The following PDE4D variants were observed in gnomAD, a reference collection of about 807,000 sequenced individuals.
PDE4D encodes the protein phosphodiesterase 4D, also known as 3',5'-cyclic-AMP phosphodiesterase 4D.
A neutral mutation model predicts 87.4 loss-of-function variants in PDE4D; 24 were observed. That is an observed-to-expected ratio of 0.27 (90% CI 0.20 to 0.39). The LOEUF is 0.39. PDE4D is among the 10% of genes least tolerant of loss of function. The probability of loss-of-function intolerance (pLI) is 1.00; values close to 1 mark genes in which losing one functional copy is unlikely to be tolerated. For synonymous variants in PDE4D, 384 were observed against 383.2 expected, an observed-to-expected ratio of 1.00 and a Z score of -0.02; for missense variants, 714 against 1,041.0, an observed-to-expected ratio of 0.69 and a Z score of 4.32.
At chr5:60,318,148 C>A (rs1219630888) in intron 1 of PDE4D, among the ~76,000 whole-genome samples, 2 of 152,134 alleles carry the variant, frequency 1.3e-5, no homozygotes, top group Non-Finnish European at 2.9e-5. Flanking sequence ...TAAGGACTTG[C>A]TTTATGAATC....
chr5:59,537,449 T>C lies in PDE4D; in HGVS notation c.456-321481A>G, dbSNP rs956093522. Among the ~76,000 whole-genome samples the C allele has an allele frequency of 4.6e-5, 7 of 152,366 alleles. No homozygotes were observed. The East Asian group carries it at 1.3e-3, about 29-fold the overall frequency. Reference sequence around the variant, plus strand: ...TTCCTAACTTTTCTAATTTGGTAATTTGAAAACATTAATAGGATTTGGTCA... The same window carrying C: ...TTCCTAACTTTTCTAATTTGGTAATCTGAAAACATTAATAGGATTTGGTCA... On this transcript the variant is annotated intron_variant, in intron 1 of 14. Transcript: ENST00000340635.
At chr5:59,586,194 T>C in intron 1 of PDE4D, 3 of 601,862 alleles carry the variant, frequency 5.0e-6, no homozygotes, top group Admixed American at 5.5e-5. Flanking sequence ...TCAGACAATA[T>C]TCGGTTTTGC....
chr5:59,520,926 CTGTA>C (rs1332405480), intron 1 of PDE4D, among the ~76,000 whole-genome samples: 1 of 151,252 alleles, frequency 6.6e-6, no homozygotes, highest in Non-Finnish European at 1.5e-5. Context: ...GTGTGTGTGT[CTGTA>C]TGTGTGTATA....
chr5:60,403,984 T>TTATATAAATGACAA (rs1741307718), intron 1 of PDE4D, among the ~76,000 whole-genome samples: 1 of 152,184 alleles, frequency 6.6e-6, no homozygotes, highest in Non-Finnish European at 1.5e-5. Flanking sequence ...TGCCAATATT[T>TTATATAAATGACAA]TATATAAATG....
chr5:59,715,258 A>G (rs1754838036), intron 1 of PDE4D, among the ~76,000 whole-genome samples: 1 of 152,234 alleles, frequency 6.6e-6, no homozygotes, highest in Non-Finnish European at 1.5e-5. Context: ...GCTGAGTACA[A>G]GTCCCTTAGC....
chr5:59,746,068 C>T (rs1387285222), intron 1 of PDE4D, among the ~76,000 whole-genome samples: 1 of 152,114 alleles, frequency 6.6e-6, no homozygotes, highest in Non-Finnish European at 1.5e-5. Flanking sequence ...TGTGTATAAA[C>T]TGTTGTGACA....
intron 2 of PDE4D, among the ~76,000 whole-genome samples, chr5:60,109,913 A>G (rs1270613924): frequency 6.6e-6 from 1 of 151,466 alleles, no homozygotes. Flanking sequence ...CTAATGCTAA[A>G]TGATGAGTTA....
chr5:59,172,102 TTA>T (rs575503715), intron 5 of PDE4D, among the ~76,000 whole-genome samples: 2 of 60,388 alleles, frequency 3.3e-5, no homozygotes, highest in Non-Finnish European at 5.4e-5. Context: ...TAAATATATA[TTA>T]TATATATAAT....
intron 1 of PDE4D, among the ~76,000 whole-genome samples, chr5:59,516,653 A>T (rs1477616924): frequency 6.6e-6 from 1 of 152,186 alleles, no homozygotes; most frequent in Non-Finnish European, 1.5e-5. Flanking sequence ...ATATTTTTAA[A>T]ATTCTTAAAA....
At chr5:59,674,866 C>T (rs1747804152) in intron 1 of PDE4D, among the ~76,000 whole-genome samples, 1 of 152,194 alleles carries the variant, frequency 6.6e-6, no homozygotes, top group African/African-American at 2.4e-5. Flanking sequence ...GGCCACAATG[C>T]ATAGTTTAAT....
intron 1 of PDE4D, among the ~76,000 whole-genome samples, chr5:60,413,711 G>GTTTCTT (rs1365101550): frequency 8.2e-6 from 1 of 122,324 alleles, no homozygotes. Context: ...TTCTTTTTTC[G>GTTTCTT]TTTATTTTTT....
chr5:59,514,168 C>A (rs773568659), intron 1 of PDE4D, among the ~76,000 whole-genome samples: 11 of 149,530 alleles, frequency 7.4e-5, no homozygotes, highest in African/African-American at 2.5e-4. Context: ...TGCAGTGGTG[C>A]GATCTCGGCT....
At chr5:59,507,628 GTAC>G (rs1809496876) in intron 1 of PDE4D, among the ~76,000 whole-genome samples, 1 of 133,984 alleles carries the variant, frequency 7.5e-6, no homozygotes, top group Admixed American at 8.3e-5. Context: ...CTATGGTACT[GTAC>G]TACAGCCTGG....
intron 1 of PDE4D, among the ~76,000 whole-genome samples, chr5:59,290,400 C>G (rs542384404): frequency 3.3e-5 from 5 of 152,042 alleles, no homozygotes; most frequent in Admixed American, 6.6e-5. Context: ...AGACTTCTAT[C>G]TTTTGCCATA....
intron 5 of PDE4D, among the ~76,000 whole-genome samples, chr5:59,043,155 A>G (rs1042420678): frequency 9.9e-5 from 15 of 152,218 alleles, no homozygotes; most frequent in Non-Finnish European, 1.9e-4. Context: ...GTATACATGA[A>G]GAGAACAAGT....
intron 1 of PDE4D, among the ~76,000 whole-genome samples, chr5:59,402,346 T>C (rs17727092): frequency 0.16 from 25,013 of 152,170 alleles, 2,455 homozygotes; most frequent in Admixed American, 0.22. Flanking sequence ...AGTGAGATAA[T>C]TTAACCTGAA....
intron 1 of PDE4D, among the ~76,000 whole-genome samples, chr5:59,284,415 A>T (rs1329596145): frequency 2.0e-5 from 3 of 152,134 alleles, no homozygotes; most frequent in African/African-American, 7.2e-5. Context: ...ACAGGGAATG[A>T]TGATGAGCAT....
intron 1 of PDE4D, among the ~76,000 whole-genome samples, chr5:59,788,276 C>T (rs970465740): frequency 2.0e-5 from 3 of 152,054 alleles, no homozygotes; most frequent in African/African-American, 7.2e-5. Context: ...AGACTATTTG[C>T]AGGGGATTTA....
intron 5 of PDE4D, among the ~76,000 whole-genome samples, chr5:59,110,329 T>C (rs1429908932): frequency 6.6e-6 from 1 of 152,178 alleles, no homozygotes; most frequent in Non-Finnish European, 1.5e-5. Flanking sequence ...GGGAAAACAC[T>C]ACTCTGTAAG....
Sources: allele counts gnomAD v4.1 joint callset (sites outside exome capture counted in the v4.1 genomes callset), GRCh38; gene constraint gnomAD v4.1.1; transcripts MANE v1.5; gene names NCBI Gene and HGNC (gene_info 2026-07-23, HGNC 2026-07-21).